Variants in FIGNL2 observed in about 807,000 individuals in gnomAD.
FIGNL2 encodes the protein fidgetin-like protein 2.
For synonymous variants in FIGNL2, 565 were observed against 484.0 expected (o/e 1.17, Z -2.20); for missense variants, 1,060 against 950.2 (o/e 1.12, Z -1.52).
intron 1 of FIGNL2, among the ~76,000 whole-genome samples, chr12:51,838,957 C>G (rs1939619702): frequency 6.6e-6 from 1 of 152,176 alleles, no homozygotes; most frequent in Admixed American, 6.5e-5. Flanking sequence ...CACAGCTTCC[C>G]AGGATGTCCT....
rs577364101 is a variant in FIGNL2, at chr12:51,847,587, G to A, written c.-12+953C>T. The A allele has an allele frequency of 4.2e-5, 41 of 985,312 alleles. No individual in the cohort carries two copies. The East Asian group carries it at 3.4e-3, about 82-fold the overall frequency. The allele number at this position is 985,312 out of a possible 1,614,324, so 61.0% of individuals were successfully genotyped here. A position where few individuals can be genotyped will look rare whatever the true frequency, so the allele number is the denominator to read the frequency against. ...CACCCACCCGTCCACCCACCCCTGC[G>A]CTCCGGGCCGCCGCTGGGCGCAGGG... On this transcript the variant is annotated intron_variant, in intron 1 of 1. Coordinates refer to ENST00000618634, the MANE Select transcript of FIGNL2 (RefSeq NM_001384995.1).
chr12:51,836,113 C>A lies in FIGNL2; in HGVS notation c.-12+12427G>T, dbSNP rs1055881712. ...GGAGTGAGCCACCGTGCCCTGCAGGCTTCTTTTCCTAGGATTCCCAGGCAG... is the reference window on the plus strand; with the variant it reads ...GGAGTGAGCCACCGTGCCCTGCAGGATTCTTTTCCTAGGATTCCCAGGCAG... On this transcript the variant is annotated intron_variant, in intron 1 of 1. Coordinates refer to ENST00000618634, the MANE Select transcript of FIGNL2 (RefSeq NM_001384995.1). Among the ~76,000 whole-genome samples the A allele has an allele frequency of 1.3e-4, 20 of 152,256 alleles. No homozygotes were observed. The East Asian group carries it at 3.7e-3, about 28-fold the overall frequency.
intron 1 of FIGNL2, among the ~76,000 whole-genome samples, chr12:51,826,351 A>C (rs1939342368): frequency 6.6e-6 from 1 of 152,066 alleles, no homozygotes; most frequent in Non-Finnish European, 1.5e-5. Flanking sequence ...ACCAGGGGCC[A>C]GGCACAGTGG....
intron 1 of FIGNL2, among the ~76,000 whole-genome samples, chr12:51,830,087 G>A (rs1359811789): frequency 2.0e-5 from 3 of 152,018 alleles, no homozygotes; most frequent in Admixed American, 6.5e-5. Context: ...TCGGGAGTTC[G>A]AGACCAGCCT....
At chr12:51,830,713 A>T (rs12299466) in intron 1 of FIGNL2, among the ~76,000 whole-genome samples, 1 of 151,920 alleles carries the variant, frequency 6.6e-6, no homozygotes, top group Non-Finnish European at 1.5e-5. Context: ...GGCTGGTCTC[A>T]AACTCCTGAC....
chr12:51,841,066 C>CA (rs1939652588), intron 1 of FIGNL2, among the ~76,000 whole-genome samples: 1 of 152,254 alleles, frequency 6.6e-6, no homozygotes, highest in Non-Finnish European at 1.5e-5. Context: ...CAGGAGTCCC[C>CA]AGCAGCTGCC....
intron 1 of FIGNL2, among the ~76,000 whole-genome samples, chr12:51,837,504 G>A (rs966338699): frequency 6.6e-5 from 10 of 152,166 alleles, no homozygotes; most frequent in African/African-American, 2.4e-4. Flanking sequence ...TCCACCCTCT[G>A]TGAATAACAG....
chr12:51,829,268 T>C (rs1939406379), intron 1 of FIGNL2, among the ~76,000 whole-genome samples: 2 of 152,266 alleles, frequency 1.3e-5, no homozygotes, highest in African/African-American at 4.8e-5. Context: ...CCAGGCTTTT[T>C]GTCTGCTGCT....
At chr12:51,827,060 TG>T (rs922675952) in intron 1 of FIGNL2, among the ~76,000 whole-genome samples, 6 of 152,144 alleles carry the variant, frequency 3.9e-5, no homozygotes, top group African/African-American at 1.4e-4. Context: ...CCGCTATAGG[TG>T]GAAAATGCTG....
intron 1 of FIGNL2, among the ~76,000 whole-genome samples, chr12:51,843,194 C>T (rs575285324): frequency 1.3e-5 from 2 of 148,750 alleles, no homozygotes; most frequent in East Asian, 3.9e-4. Flanking sequence ...GAGGTTCACC[C>T]AGAGCCTTGC....
At chr12:51,827,015 C>CCCAGGCCTG (rs1159977246) in intron 1 of FIGNL2, among the ~76,000 whole-genome samples, 2 of 152,232 alleles carry the variant, frequency 1.3e-5, no homozygotes, top group Non-Finnish European at 2.9e-5. Flanking sequence ...TCCTGACAGA[C>CCCAGGCCTG]CCAGGCCTGC....
intron 1 of FIGNL2, among the ~76,000 whole-genome samples, chr12:51,829,819 A>AAGAGAGGGAGGG (rs1565944876): frequency 6.6e-6 from 1 of 150,548 alleles, no homozygotes; most frequent in Non-Finnish European, 1.5e-5. Context: ...AAAAGGAAGG[A>AAGAGAGGGAGGG]AGAGAGGGAG....
intron 1 of FIGNL2, among the ~76,000 whole-genome samples, chr12:51,832,825 A>G (rs1320102431): frequency 6.6e-6 from 1 of 152,218 alleles, no homozygotes; most frequent in Non-Finnish European, 1.5e-5. Flanking sequence ...TAACATGCCC[A>G]AAAGTGAAAC....
chr12:51,821,016 G>A lies in FIGNL2; in HGVS notation c.1398C>T (p.Ala466=). 8.5e-7 allele frequency: 1 copy of A among 1,173,372 alleles called. No homozygotes were observed. The highest frequency in any genetic ancestry group is 3.9e-5 in the East Asian group (1 of 25,512). The allele number at this position is 1,173,372 out of a possible 1,614,324, so 72.7% of individuals were successfully genotyped here. The change falls in exon 2 of 2, where the codon GCC becomes GCT. Residue 466 remains alanine, a synonymous_variant. Transcript: ENST00000618634. ...CCTGGAGGAGGCGCGCGCCCTCGGC[G>A]GCGCCGGGCGCAGCCAGGGTCGCGC... ...LRGATLAAPG[A]AEGARLLQAA...
Position 51,821,229 on chromosome 12 carries a change from C to A in FIGNL2, c.1185G>T (p.Ala395=), listed in dbSNP as rs570425958. 9.2e-6 allele frequency: 14 copies of A among 1,524,114 alleles called. No homozygotes were observed. The highest frequency in any genetic ancestry group is 1.4e-5 in the African/African-American group (1 of 70,742). 94.4% of individuals were successfully genotyped at this position (1,524,114 alleles called of 1,614,324 possible). A position where few individuals can be genotyped will look rare whatever the true frequency, so the allele number is the denominator to read the frequency against. Reference sequence around the variant, plus strand: ...GCGCCGCCTTGAGCGCGCCCTGGCCCGCCACATCCGCCCACTGCACCGGGG... The same window carrying A: ...GCGCCGCCTTGAGCGCGCCCTGGCCAGCCACATCCGCCCACTGCACCGGGG... ...CGPPVQWADV[A]GQGALKAALE... is the part of the protein sequence containing the mutation. Residue 395 remains alanine, a synonymous_variant, in exon 2 of 2, where the codon GCG becomes GCT. Transcript: ENST00000618634.
intron 1 of FIGNL2, chr12:51,831,678 G>C (rs1939472651): frequency 6.5e-6 from 1 of 154,232 alleles, no homozygotes; most frequent in Admixed American, 6.5e-5. Flanking sequence ...TGGGTGAGCT[G>C]TCTGAAGTCT....
chr12:51,821,924 C>A lies in FIGNL2; in HGVS notation c.490G>T (p.Gly164Trp), dbSNP rs1246189962. The change falls in exon 2 of 2, where the codon GGG becomes TGG. Residue 164 changes from glycine to tryptophan, a missense_variant. Gly to Trp is a radical substitution (Grantham distance 184). Transcript: ENST00000618634. ...CAGTAACCCGGCGCCAGGTACCCCC[C>A]GCCGTAGCCGGCCGCGTACTCGGGC... is the stretch of plus-strand genomic sequence containing the variant. ...AAPEYAAGYG[G>W]GYLAPGYCAQ... 2.7e-6 allele frequency: 4 copies of A among 1,502,892 alleles called. No individual in the cohort carries two copies. The highest frequency in any genetic ancestry group is 2.6e-5 in the East Asian group (1 of 37,856). 93.1% of individuals were successfully genotyped at this position (1,502,892 alleles called of 1,614,324 possible).
chr12:51,832,780 C>G (rs1939497416), intron 1 of FIGNL2, among the ~76,000 whole-genome samples: 1 of 152,182 alleles, frequency 6.6e-6, no homozygotes, highest in Non-Finnish European at 1.5e-5. Context: ...AACCTTCTTG[C>G]TGACATCCCC....
chr12:51,830,780 A>G (rs140279555), intron 1 of FIGNL2, among the ~76,000 whole-genome samples: 3,135 of 151,984 alleles, frequency 0.021, 48 homozygotes, highest in Middle Eastern at 0.031. Context: ...ATGAGCCACC[A>G]CACCCGGCCT....
Sources: allele counts gnomAD v4.1 joint callset (sites outside exome capture counted in the v4.1 genomes callset), GRCh38; gene constraint gnomAD v4.1.1; transcripts MANE v1.5; gene names NCBI Gene and HGNC (gene_info 2026-07-23, HGNC 2026-07-21).